KCNH8: variants seen among roughly 807,000 people sequenced by gnomAD.
KCNH8 encodes the protein potassium voltage-gated channel subfamily H member 8.
In KCNH8, 70 loss-of-function variants were observed where a neutral mutation model predicts 103.6. The observed-to-expected ratio is 0.68, with a 90% CI of 0.56 to 0.82. The LOEUF is 0.82. KCNH8 is among the 40% of genes least tolerant of loss of function. The probability of loss-of-function intolerance (pLI) is 0.00; values close to 1 mark genes in which losing one functional copy is unlikely to be tolerated. For synonymous variants in KCNH8, 498 were observed against 489.4 expected (o/e 1.02, Z -0.23); for missense variants, 1,217 against 1,329.9 (o/e 0.92, Z 1.32).
At chr3:19,265,676 G>A (rs1183183733) in intron 2 of KCNH8, among the ~76,000 whole-genome samples, 2 of 151,788 alleles carry the variant, frequency 1.3e-5, no homozygotes, top group Non-Finnish European at 2.9e-5. Context: ...CATCTTCAAC[G>A]AGATCCCACA....
intron 11 of KCNH8, among the ~76,000 whole-genome samples, chr3:19,459,252 C>A (rs1398247930): frequency 6.6e-6 from 1 of 151,632 alleles, no homozygotes; most frequent in Non-Finnish European, 1.5e-5. Context: ...CACATCCTTG[C>A]CAAAATTTCT....
intron 11 of KCNH8, among the ~76,000 whole-genome samples, chr3:19,482,439 A>C (rs2068106910): frequency 6.6e-6 from 1 of 152,062 alleles, no homozygotes; most frequent in Admixed American, 6.6e-5. Context: ...TTTTATTTTT[A>C]CTACCTATGT....
At chr3:19,301,717 C>A (rs890804636) in intron 3 of KCNH8, among the ~76,000 whole-genome samples, 2 of 152,078 alleles carry the variant, frequency 1.3e-5, no homozygotes, top group Non-Finnish European at 2.9e-5. Context: ...AAAATTGTGC[C>A]CATTTCAGAT....
At position 19,533,433 on chromosome 3, in the gene KCNH8, A is replaced by G. The variant is rs2069202045; in HGVS notation, c.2658A>G (p.Lys886=). ...TLTQEVSQLG[K]DMRNVIQLLE... ...CTCAGGAAGTTTCTCAGTTGGGTAAAGACATGAGAAATGTGATCCAGCTTC... is the reference window on the plus strand; with the variant it reads ...CTCAGGAAGTTTCTCAGTTGGGTAAGGACATGAGAAATGTGATCCAGCTTC... The change falls in exon 16 of 16, where the codon AAA becomes AAG. Residue 886 remains lysine, a synonymous_variant. Coordinates refer to ENST00000328405, the MANE Select transcript of KCNH8 (RefSeq NM_144633.3). 1.2e-6 allele frequency: 2 copies of G among 1,613,974 alleles called. No individual in the cohort carries two copies. Among genetic ancestry groups the G allele is most frequent in the Non-Finnish European group, 1.7e-6 (2 of 1,179,978 alleles).
intron 5 of KCNH8, among the ~76,000 whole-genome samples, chr3:19,362,235 A>G (rs561866843): frequency 3.6e-4 from 55 of 152,294 alleles, no homozygotes; most frequent in Non-Finnish European, 4.7e-4. Flanking sequence ...AGTCTTCATA[A>G]AGAAAATAAA....
In KCNH8 at chr3:19,451,289, T is replaced by C. The variant is rs540534749; in HGVS notation, c.1710T>C (p.Ser570=). ...CTCTGTCTCTACACATCAAAACCTC[T>C]TTCTGTGCTCCGGGGGAGTATCTGC... ...LRSLSLHIKT[S]FCAPGEYLLR... Residue 570 remains serine (S), a synonymous_variant, in exon 10 of 16, where the codon TCT becomes TCC. Coordinates refer to ENST00000328405, the MANE Select transcript of KCNH8 (RefSeq NM_144633.3). The C allele has an allele frequency of 1.1e-5, 18 of 1,613,942 alleles. No homozygotes were observed. Among genetic ancestry groups the C allele is most frequent in the Middle Eastern group, 1.7e-4 (1 of 6,060 alleles).
chr3:19,368,091 C>T (rs372510940), intron 5 of KCNH8, among the ~76,000 whole-genome samples: 6 of 151,992 alleles, frequency 3.9e-5, no homozygotes, highest in Admixed American at 3.9e-4. Context: ...TCTTTCTTAT[C>T]AAATAGCTAA....
intron 15 of KCNH8, among the ~76,000 whole-genome samples, chr3:19,532,765 CTAAT>C (rs1184698396): frequency 1.3e-5 from 2 of 152,182 alleles, no homozygotes; most frequent in Non-Finnish European, 2.9e-5. Context: ...TCCCAAATCA[CTAAT>C]TAAGATTCCC....
chr3:19,281,107 A>T (rs2064751019), intron 2 of KCNH8, 91 bp from the exon 3 acceptor site: 24 of 1,371,694 alleles, frequency 1.7e-5, no homozygotes, highest in Non-Finnish European at 2.4e-5. Context: ...AGAAAACACT[A>T]AGGGCTTTAT....
chr3:19,210,631 A>C (rs1473992489), intron 1 of KCNH8, among the ~76,000 whole-genome samples: 1 of 152,098 alleles, frequency 6.6e-6, no homozygotes, highest in Non-Finnish European at 1.5e-5. Context: ...GGGTTCTGAC[A>C]CATTGTAAAA....
At chr3:19,492,895 T>G (rs912827365) in intron 11 of KCNH8, among the ~76,000 whole-genome samples, 1 of 146,586 alleles carries the variant, frequency 6.8e-6, no homozygotes, top group African/African-American at 2.5e-5. Context: ...GATTTCTGAC[T>G]TCTTTCACAA....
intron 15 of KCNH8, among the ~76,000 whole-genome samples, chr3:19,518,516 T>C (rs1329605741): frequency 6.6e-6 from 1 of 152,054 alleles, no homozygotes. Context: ...TCCTCTGACT[T>C]GTATTTGCTT....
Position 19,192,672 on chromosome 3 carries a change from C to T in KCNH8, c.76+43877C>T, listed in dbSNP as rs572143543. Among the ~76,000 whole-genome samples the T allele has an allele frequency of 6.6e-5, 10 of 151,754 alleles. No individual in the cohort carries two copies. In the East Asian group the frequency reaches 1.9e-3, roughly 29 times the overall value. On this transcript the variant is annotated intron_variant, in intron 1 of 15. Coordinates refer to ENST00000328405, the MANE Select transcript of KCNH8 (RefSeq NM_144633.3). ...TCTTCTATTTGAACTAAGAAGACCA[C>T]AGTTCTTTTATTATTGACATAAAAT...
At chr3:19,191,647 C>A (rs1040371582) in intron 1 of KCNH8, among the ~76,000 whole-genome samples, 1 of 151,616 alleles carries the variant, frequency 6.6e-6, no homozygotes, top group African/African-American at 2.4e-5. Flanking sequence ...AATATCTAAT[C>A]AATACACCTT....
chr3:19,524,218 A>T (rs190264624), intron 15 of KCNH8, among the ~76,000 whole-genome samples: 181 of 152,014 alleles, frequency 1.2e-3, no homozygotes, highest in African/African-American at 4.0e-3. Flanking sequence ...TTGTCAGGTC[A>T]TTCCAAGATT....
chr3:19,381,895 T>C (rs1182818071), intron 5 of KCNH8, among the ~76,000 whole-genome samples: 2 of 152,146 alleles, frequency 1.3e-5, no homozygotes, highest in Admixed American at 1.3e-4. Flanking sequence ...ATACATACCA[T>C]ACTGATTTAA....
intron 1 of KCNH8, among the ~76,000 whole-genome samples, chr3:19,171,810 G>C (rs1169400555): frequency 2.0e-5 from 3 of 152,220 alleles, no homozygotes; most frequent in Non-Finnish European, 4.4e-5. Context: ...GAGAAACTGA[G>C]ATTAGTTTTG....
intron 1 of KCNH8, among the ~76,000 whole-genome samples, chr3:19,151,054 T>C (rs931900949): frequency 1.3e-5 from 2 of 152,152 alleles, no homozygotes; most frequent in Non-Finnish European, 2.9e-5. Flanking sequence ...ACTTGAATAA[T>C]CTGAAACTTA....
chr3:19,238,199 A>G (rs530997792), intron 1 of KCNH8, among the ~76,000 whole-genome samples: 1 of 152,332 alleles, frequency 6.6e-6, no homozygotes, highest in South Asian at 2.1e-4. Flanking sequence ...TATTTAAGGT[A>G]GCTTGTGACC....
Sources: allele counts gnomAD v4.1 joint callset (sites outside exome capture counted in the v4.1 genomes callset), GRCh38; gene constraint gnomAD v4.1.1; transcripts MANE v1.5; gene names NCBI Gene and HGNC (gene_info 2026-07-23, HGNC 2026-07-21).